Variants in RNF38 observed in about 807,000 individuals in gnomAD.
The protein encoded by RNF38 is E3 ubiquitin-protein ligase RNF38.
In RNF38, 15 loss-of-function variants were observed where a neutral mutation model predicts 67.2. That is an observed-to-expected ratio of 0.22 (90% CI 0.15 to 0.34). The LOEUF (loss-of-function observed/expected upper bound fraction) is 0.34. Ranked by LOEUF, RNF38 falls within the 10% of genes least tolerant of loss-of-function variation. RNF38 has a pLI of 1.00. For missense variants in RNF38, 524 were observed against 639.9 expected, an observed-to-expected ratio of 0.82 and a Z score of 1.95; for synonymous variants, 220 against 218.8, an observed-to-expected ratio of 1.01 and a Z score of -0.05.
intron 1 of RNF38, among the ~76,000 whole-genome samples, chr9:36,482,726 C>T (rs887882562): frequency 2.0e-5 from 3 of 152,174 alleles, no homozygotes; most frequent in African/African-American, 7.2e-5. Context: ...CTATTTTAAG[C>T]TGTGCTCTTT....
intron 1 of RNF38, among the ~76,000 whole-genome samples, chr9:36,435,192 A>G (rs1263647398): frequency 6.6e-6 from 1 of 152,220 alleles, no homozygotes; most frequent in Admixed American, 6.5e-5. Flanking sequence ...GACAGGCATC[A>G]AAGAAAGCCT....
chr9:36,416,710 T>C (rs999135599), intron 2 of RNF38, among the ~76,000 whole-genome samples: 3 of 150,628 alleles, frequency 2.0e-5, no homozygotes, highest in African/African-American at 7.3e-5. Flanking sequence ...ACTAGAAGTG[T>C]CTACAGGGCT....
intron 10 of RNF38, among the ~76,000 whole-genome samples, chr9:36,344,139 C>T (rs561969836): frequency 3.3e-5 from 5 of 152,182 alleles, no homozygotes; most frequent in East Asian, 3.9e-4. Flanking sequence ...CTCAGCCTTT[C>T]GAGTAGCTGG....
At chr9:36,360,984 GTATTAT>G (rs1009516638) in intron 4 of RNF38, among the ~76,000 whole-genome samples, 1 of 151,814 alleles carries the variant, frequency 6.6e-6, no homozygotes, top group Non-Finnish European at 1.5e-5. Flanking sequence ...GTTAATTTTT[GTATTAT>G]TATTTTTGTA....
In RNF38 at chr9:36,458,385, G is replaced by A. The variant is rs1839642533; in HGVS notation, n.241+28923C>T. Among the ~76,000 whole-genome samples, 5 of 152,150 alleles carry A rather than the reference G, an allele frequency of 3.3e-5. No individual in the cohort carries two copies. In the South Asian group the frequency reaches 1.0e-3, roughly 32 times the overall value. On this transcript the variant is annotated intron_variant and non_coding_transcript_variant, in intron 1 of 3. Transcript: ENST00000488058. ...CCGAGCCAGCAGCAGCAACCCGCCT[G>A]GGTCCCCTTCCACGCTGTGAAAGCT...
At chr9:36,485,741 C>G (rs934328177) in intron 1 of RNF38, among the ~76,000 whole-genome samples, 3 of 152,198 alleles carry the variant, frequency 2.0e-5, no homozygotes, top group Non-Finnish European at 4.4e-5. Context: ...AAACAGCTGA[C>G]TTAAACAAGG....
intron 1 of RNF38, among the ~76,000 whole-genome samples, chr9:36,449,432 CTCTT>C (rs1396502668): frequency 2.0e-5 from 3 of 151,874 alleles, no homozygotes; most frequent in Admixed American, 1.3e-4. Flanking sequence ...CCCTATCTCT[CTCTT>C]TTTTTTCCTT....
chr9:36,341,659 C>T (rs1479757623), intron 11 of RNF38, among the ~76,000 whole-genome samples: 1 of 151,730 alleles, frequency 6.6e-6, no homozygotes, highest in African/African-American at 2.4e-5. Flanking sequence ...ATTGCTTGGG[C>T]CCAAGAGTTC....
chr9:36,485,538 T>C (rs1479026287), intron 1 of RNF38, among the ~76,000 whole-genome samples: 1 of 152,236 alleles, frequency 6.6e-6, no homozygotes, highest in East Asian at 1.9e-4. Context: ...GTTGTTTCAA[T>C]TTGCATTTCC....
intron 1 of RNF38, among the ~76,000 whole-genome samples, chr9:36,472,960 T>G (rs1319230655): frequency 1.3e-5 from 2 of 151,504 alleles, no homozygotes; most frequent in African/African-American, 2.4e-5. Flanking sequence ...GCTAAAACTC[T>G]GTCTCTACTA....
intron 3 of RNF38, among the ~76,000 whole-genome samples, chr9:36,375,697 A>T (rs1034679085): frequency 1.3e-5 from 2 of 152,206 alleles, no homozygotes; most frequent in Non-Finnish European, 2.9e-5. Context: ...AATTTCATAT[A>T]TAATGGCATC....
intron 7 of RNF38, 100 bp from the exon 8 acceptor site, chr9:36,352,948 C>A: frequency 1.1e-6 from 1 of 921,680 alleles, no homozygotes; most frequent in Non-Finnish European, 1.7e-6. Flanking sequence ...CAGTAAAGTT[C>A]TTTATTGTTC....
chr9:36,394,194 G>A (rs1837359106), intron 1 of RNF38, among the ~76,000 whole-genome samples: 1 of 152,118 alleles, frequency 6.6e-6, no homozygotes. Flanking sequence ...AGAATCACTT[G>A]AATCCGGGAG....
At chr9:36,477,859 T>C (rs1379200770) in intron 1 of RNF38, among the ~76,000 whole-genome samples, 4 of 149,386 alleles carry the variant, frequency 2.7e-5, no homozygotes, top group African/African-American at 4.9e-5. Flanking sequence ...GATAGCGTAG[T>C]TGTCACACTC....
intron 2 of RNF38, among the ~76,000 whole-genome samples, chr9:36,379,828 CATT>C (rs1836072457): frequency 6.6e-6 from 1 of 152,106 alleles, no homozygotes; most frequent in South Asian, 2.1e-4. Context: ...ACAGCTCTGT[CATT>C]ATATAAAAGA....
chr9:36,463,663 A>AT (rs762488795), intron 1 of RNF38, among the ~76,000 whole-genome samples: 1 of 152,188 alleles, frequency 6.6e-6, no homozygotes, highest in Non-Finnish European at 1.5e-5. Context: ...AAATACAAAG[A>AT]TATGTACATA....
intron 4 of RNF38, among the ~76,000 whole-genome samples, chr9:36,364,193 A>ACTC (rs976848453): frequency 1.3e-5 from 2 of 151,866 alleles, no homozygotes; most frequent in Non-Finnish European, 2.9e-5. Context: ...AGCAAAACCA[A>ACTC]CTCCTCCTCC....
At chr9:36,454,258 G>T (rs1203345094) in intron 1 of RNF38, among the ~76,000 whole-genome samples, 1 of 151,726 alleles carries the variant, frequency 6.6e-6, no homozygotes, top group Admixed American at 6.6e-5. Context: ...GTTGTAACTG[G>T]GATTACAGGC....
upstream of RNF38, chr9:36,401,117 A>T: frequency 1.0e-6 from 1 of 983,122 alleles, no homozygotes; most frequent in South Asian, 4.7e-5. Context: ...CCAGCGCGCC[A>T]GACCACCGGA....
Sources: gnomAD v4.1 joint callset for allele counts (sites outside exome capture counted in the v4.1 genomes callset) on GRCh38, gnomAD v4.1.1 for gene constraint, MANE v1.5 for transcripts, NCBI Gene and HGNC (gene_info 2026-07-23, HGNC 2026-07-21) for gene names.